Variants in SMIM31 observed in about 807,000 individuals in gnomAD.
SMIM31 encodes the protein small integral membrane protein 31.
At chr4:164,762,662 C>CAAAAAAAAAAAAAAAAAAAAAAAAAAAAA (rs1162067333) in intron 1 of SMIM31, among the ~76,000 whole-genome samples, 2 of 100,114 alleles carry the variant, frequency 2.0e-5, no homozygotes, top group Non-Finnish European at 2.0e-5. Context: ...GACTCTGTCT[C>CAAAAAAAAAAAAAAAAAAAAAAAAAAAAA]AAAAAAAAAA....
chr4:164,758,170 TA>T lies in SMIM31; in HGVS notation c.-26+3760del, dbSNP rs567923602. ...TATTTAAAATATAATTATTATGTTTTATTTTACAATTATTGAGGCCAATATA... is the reference window on the plus strand; with the variant it reads ...TATTTAAAATATAATTATTATGTTTTTTTTACAATTATTGAGGCCAATATA... On this transcript the variant is annotated intron_variant, in intron 1 of 2. Coordinates refer to ENST00000507311, the MANE Select transcript of SMIM31 (RefSeq NM_001352885.1). 2.6e-5 allele frequency among the ~76,000 whole-genome samples: 4 copies of T among 152,252 alleles called. No homozygotes were observed. The South Asian group carries it at 8.3e-4, about 32-fold the overall frequency.
At chr4:164,766,595 G>A (rs1445555942) in intron 1 of SMIM31, among the ~76,000 whole-genome samples, 1 of 151,900 alleles carries the variant, frequency 6.6e-6, no homozygotes, top group Non-Finnish European at 1.5e-5. Flanking sequence ...TCAGGAAATT[G>A]AGATCATCCT....
chr4:164,758,840 TTGTA>T (rs1732607434), intron 1 of SMIM31, among the ~76,000 whole-genome samples: 1 of 73,178 alleles, frequency 1.4e-5, no homozygotes, highest in Non-Finnish European at 3.0e-5. Flanking sequence ...TTTTTTTTTT[TTGTA>T]TTTTTAGTAG....
intron 2 of SMIM31, among the ~76,000 whole-genome samples, chr4:164,793,747 A>C (rs978926879): frequency 6.6e-6 from 1 of 152,158 alleles, no homozygotes; most frequent in Admixed American, 6.6e-5. Flanking sequence ...TAGAGGTTCT[A>C]TCTCAAAACA....
At chr4:164,776,928 G>A (rs1467934949) in intron 2 of SMIM31, among the ~76,000 whole-genome samples, 2 of 152,068 alleles carry the variant, frequency 1.3e-5, no homozygotes, top group Non-Finnish European at 2.9e-5. Context: ...GGCCTATGAG[G>A]CAGGTATTGT....
At chr4:164,790,855 A>G (rs1733090891) in intron 2 of SMIM31, among the ~76,000 whole-genome samples, 1 of 152,190 alleles carries the variant, frequency 6.6e-6, no homozygotes, top group Non-Finnish European at 1.5e-5. Context: ...AAAAGACCTT[A>G]ACAATTTTTA....
At chr4:164,785,226 AAAAT>A (rs1304481290) in intron 2 of SMIM31, among the ~76,000 whole-genome samples, 13 of 119,194 alleles carry the variant, frequency 1.1e-4, no homozygotes. Context: ...CTATCTCAAA[AAAAT>A]AAATAAATAA....
chr4:164,761,443 T>C (rs913524603), intron 1 of SMIM31, among the ~76,000 whole-genome samples: 2 of 152,116 alleles, frequency 1.3e-5, no homozygotes, highest in African/African-American at 2.4e-5. Flanking sequence ...CCTAGCAAAA[T>C]AGAAATTACA....
intron 2 of SMIM31, among the ~76,000 whole-genome samples, chr4:164,780,492 C>G (rs1158105901): frequency 6.6e-6 from 1 of 152,226 alleles, no homozygotes; most frequent in Non-Finnish European, 1.5e-5. Flanking sequence ...AGGCAGGGGC[C>G]TAGGCCAGGT....
intron 2 of SMIM31, among the ~76,000 whole-genome samples, chr4:164,798,022 A>G (rs1350739653): frequency 6.6e-6 from 1 of 152,086 alleles, no homozygotes; most frequent in Non-Finnish European, 1.5e-5. Flanking sequence ...CACCTAGGAT[A>G]ATGGCCTCCA....
At chr4:164,767,809 A>G (rs1420233606) in intron 1 of SMIM31, among the ~76,000 whole-genome samples, 1 of 152,220 alleles carries the variant, frequency 6.6e-6, no homozygotes, top group Non-Finnish European at 1.5e-5. Context: ...TTCCATAATC[A>G]TAGATGTCTG....
chr4:164,791,785 T>C (rs543064333), intron 2 of SMIM31, among the ~76,000 whole-genome samples: 4 of 152,304 alleles, frequency 2.6e-5, no homozygotes, highest in East Asian at 3.9e-4. Flanking sequence ...GGGCTTTAAG[T>C]GTACCCATTA....
intron 1 of SMIM31, among the ~76,000 whole-genome samples, chr4:164,768,715 T>C (rs1249254428): frequency 1.3e-5 from 2 of 152,180 alleles, no homozygotes; most frequent in African/African-American, 4.8e-5. Flanking sequence ...TAAAAACCAC[T>C]AGATGGCACA....
At position 164,803,352 on chromosome 4, in the gene SMIM31, C is replaced by G. The variant is rs780296005; in HGVS notation, c.*2158C>G. ...ACTCACAAGGCTGAGGCAGGAGGAT[C>G]GCTTGAGCCTGGGAGTTTGAGGCTG... On this transcript the variant is annotated 3_prime_UTR_variant, in exon 3 of 3. Coordinates refer to ENST00000507311, the MANE Select transcript of SMIM31 (RefSeq NM_001352885.1). 1 of 152,292 alleles carries G rather than the reference C, an allele frequency of 6.6e-6. No homozygotes were observed. Among genetic ancestry groups the G allele is most frequent in the African/African-American group, 2.4e-5 (1 of 41,394 alleles). The allele number at this position is 152,292 out of a possible 1,614,324, so 9.4% of individuals were successfully genotyped here. A position where few individuals can be genotyped will look rare whatever the true frequency, so the allele number is the denominator to read the frequency against.
intron 2 of SMIM31, among the ~76,000 whole-genome samples, chr4:164,785,870 TTAAA>T (rs1733020455): frequency 6.6e-6 from 1 of 152,122 alleles, no homozygotes; most frequent in African/African-American, 2.4e-5. Flanking sequence ...GAATAGGTTA[TTAAA>T]TGTCATGGCT....
At chr4:164,766,324 G>C (rs915246239) in intron 1 of SMIM31, among the ~76,000 whole-genome samples, 2 of 152,116 alleles carry the variant, frequency 1.3e-5, no homozygotes, top group African/African-American at 4.8e-5. Context: ...GTGAAATTCA[G>C]AGTTTTGCAT....
At chr4:164,781,129 TACAC>T (rs138037586) in intron 2 of SMIM31, among the ~76,000 whole-genome samples, 204 of 144,514 alleles carry the variant, frequency 1.4e-3, no homozygotes, top group African/African-American at 3.0e-3. Flanking sequence ...TACATTTACA[TACAC>T]ACACACACAC....
chr4:164,766,877 A>G (rs1175167301), intron 1 of SMIM31, among the ~76,000 whole-genome samples: 1 of 152,168 alleles, frequency 6.6e-6, no homozygotes, highest in East Asian at 1.9e-4. Flanking sequence ...CTTAGATTAG[A>G]AGTCAAGAAA....
intron 1 of SMIM31, among the ~76,000 whole-genome samples, chr4:164,755,909 C>T (rs1313450512): frequency 6.6e-6 from 1 of 152,030 alleles, no homozygotes; most frequent in African/African-American, 2.4e-5. Flanking sequence ...CATCCAAATG[C>T]CTTCCATGTA....
Sources: allele counts gnomAD v4.1 joint callset (sites outside exome capture counted in the v4.1 genomes callset), GRCh38; gene constraint gnomAD v4.1.1; transcripts MANE v1.5; gene names NCBI Gene and HGNC (gene_info 2026-07-23, HGNC 2026-07-21).